CNTN5: variants seen among roughly 807,000 people sequenced by gnomAD.
The protein encoded by CNTN5 is contactin 5.
A neutral mutation model predicts 129.1 loss-of-function variants in CNTN5; 77 were observed. The ratio of observed to expected loss-of-function variants is 0.60; its 90% confidence interval spans 0.50 to 0.72. The LOEUF is 0.72. CNTN5 is among the 30% of genes least tolerant of loss of function. The probability of loss-of-function intolerance (pLI) is 0.00; values close to 1 mark genes in which losing one functional copy is unlikely to be tolerated. For synonymous variants in CNTN5, 509 were observed against 465.6 expected, an observed-to-expected ratio of 1.09 and a Z score of -1.20; for missense variants, 1,478 against 1,328.8, an observed-to-expected ratio of 1.11 and a Z score of -1.75.
intron 21 of CNTN5, among the ~76,000 whole-genome samples, chr11:100,316,015 A>G (rs1274542742): frequency 6.6e-6 from 1 of 152,206 alleles, no homozygotes; most frequent in Non-Finnish European, 1.5e-5. Flanking sequence ...CAAGTAAATT[A>G]TTAGGTTCAG....
intron 3 of CNTN5, among the ~76,000 whole-genome samples, chr11:99,748,094 C>T (rs979278381): frequency 6.6e-6 from 1 of 152,046 alleles, no homozygotes; most frequent in African/African-American, 2.4e-5. Flanking sequence ...TTTTAATGTG[C>T]TGCTGAATTG....
chr11:100,193,423 C>A, intron 14 of CNTN5, 65 bp from the exon 15 acceptor site: 1 of 1,065,810 alleles, frequency 9.4e-7, no homozygotes, highest in Middle Eastern at 2.1e-4. Flanking sequence ...TTATTTCAAG[C>A]AAAATATTAT....
intron 8 of CNTN5, among the ~76,000 whole-genome samples, chr11:99,959,158 G>T (rs1950878231): frequency 6.6e-6 from 1 of 152,084 alleles, no homozygotes; most frequent in South Asian, 2.1e-4. Context: ...CTCTTACCCT[G>T]TGACTGCCTT....
intron 1 of CNTN5, among the ~76,000 whole-genome samples, chr11:99,202,327 C>T (rs917117236): frequency 2.0e-5 from 3 of 152,118 alleles, no homozygotes; most frequent in African/African-American, 7.2e-5. Context: ...GACTTTGAAA[C>T]AATTTATTTT....
chr11:99,684,037 C>A (rs775957652), intron 3 of CNTN5, among the ~76,000 whole-genome samples: 1 of 151,700 alleles, frequency 6.6e-6, no homozygotes, highest in Non-Finnish European at 1.5e-5. Context: ...TAATACATAT[C>A]TTGACCTTAA....
chr11:99,485,788 A>T (rs558609833), intron 2 of CNTN5, among the ~76,000 whole-genome samples: 1 of 152,156 alleles, frequency 6.6e-6, no homozygotes, highest in Non-Finnish European at 1.5e-5. Context: ...GAAATTTCTC[A>T]CAGTATTCTT....
Position 100,356,415 on chromosome 11 carries a change from G to A in CNTN5, c.*195G>A. 1 of 590,454 alleles carries A rather than the reference G, an allele frequency of 1.7e-6. No homozygotes were observed. The allele number at this position is 590,454 out of a possible 1,614,324, so 36.6% of individuals were successfully genotyped here. A position where few individuals can be genotyped will look rare whatever the true frequency, so the allele number is the denominator to read the frequency against. The stretch of plus-strand genomic sequence containing the variant: ...GGTTTCTCTTTGGTTTTTGTAAACG[G>A]AGAGGACAGTTCTTAGTCCAGTAAA... On this transcript the variant is annotated 3_prime_UTR_variant, in exon 25 of 25. Transcript: ENST00000524871.
intron 3 of CNTN5, among the ~76,000 whole-genome samples, chr11:99,728,113 A>G (rs538138046): frequency 9.2e-5 from 14 of 152,178 alleles, no homozygotes; most frequent in Non-Finnish European, 2.1e-4. Context: ...AAAGTGATGG[A>G]TTTTTAAAAA....
At chr11:99,916,788 G>A (rs191505682) in intron 7 of CNTN5, among the ~76,000 whole-genome samples, 17 of 152,172 alleles carry the variant, frequency 1.1e-4, no homozygotes, top group African/African-American at 3.9e-4. Flanking sequence ...CATAATTTGA[G>A]ATGAGTACTC....
intron 13 of CNTN5, among the ~76,000 whole-genome samples, chr11:100,111,867 A>T (rs1435919281): frequency 6.6e-6 from 1 of 152,158 alleles, no homozygotes; most frequent in East Asian, 1.9e-4. Context: ...TGGATATTTC[A>T]TGTAAGTGGA....
At chr11:99,780,791 A>T (rs1239841252) in intron 3 of CNTN5, among the ~76,000 whole-genome samples, 3 of 152,110 alleles carry the variant, frequency 2.0e-5, no homozygotes, top group Non-Finnish European at 4.4e-5. Flanking sequence ...ACATAGAGGA[A>T]CACACTGTGC....
At chr11:99,262,611 T>C (rs938192645) in intron 1 of CNTN5, among the ~76,000 whole-genome samples, 6 of 147,644 alleles carry the variant, frequency 4.1e-5, no homozygotes, top group Non-Finnish European at 7.6e-5. Context: ...TTTTTTTTTT[T>C]CTCTCTCTTT....
At chr11:99,435,263 T>C (rs1460929028) in intron 2 of CNTN5, among the ~76,000 whole-genome samples, 2 of 152,328 alleles carry the variant, frequency 1.3e-5, no homozygotes, top group African/African-American at 4.8e-5. Flanking sequence ...ATCATACTTA[T>C]GCCATCTTAA....
intron 13 of CNTN5, among the ~76,000 whole-genome samples, chr11:100,076,382 T>G (rs992696187): frequency 6.6e-6 from 1 of 152,138 alleles, no homozygotes; most frequent in Non-Finnish European, 1.5e-5. Context: ...CATGGTGAGT[T>G]TAAAAAATTA....
intron 1 of CNTN5, among the ~76,000 whole-genome samples, chr11:99,100,325 C>G (rs756614139): frequency 6.6e-6 from 1 of 151,938 alleles, no homozygotes; most frequent in Admixed American, 6.6e-5. Flanking sequence ...GTAGGGGGAA[C>G]CTAAGGTAAA....
At chr11:99,728,232 G>T (rs1943418036) in intron 3 of CNTN5, among the ~76,000 whole-genome samples, 3 of 152,080 alleles carry the variant, frequency 2.0e-5, no homozygotes, top group Admixed American at 1.3e-4. Context: ...GACAGAGAAG[G>T]CATAGATATT....
Position 99,612,086 on chromosome 11 carries a change from A to C in CNTN5, c.55+55817A>C, listed in dbSNP as rs79310464. Among the ~76,000 whole-genome samples the C allele has an allele frequency of 4.4e-3, 672 of 152,330 alleles. 28 individuals are homozygous for C. In the East Asian group the frequency reaches 0.1, roughly 23 times the overall value. On this transcript the variant is annotated intron_variant, in intron 3 of 24. Transcript: ENST00000524871. ...ACTCAGCAACTGATATGTAGGAGGC[A>C]CTTGCAATAAGAATTTCTGAGTCTT...
chr11:99,621,526 A>G (rs1305513026), intron 3 of CNTN5, among the ~76,000 whole-genome samples: 2 of 121,350 alleles, frequency 1.6e-5, no homozygotes. Context: ...TATCTTTATA[A>G]TACAAAAATA....
At chr11:99,721,746 C>G (rs565679200) in intron 3 of CNTN5, among the ~76,000 whole-genome samples, 23 of 152,246 alleles carry the variant, frequency 1.5e-4, no homozygotes, top group South Asian at 2.1e-4. Flanking sequence ...TGACAAAGGT[C>G]CAATATCCAG....
Sources: gnomAD v4.1 joint callset for allele counts (sites outside exome capture counted in the v4.1 genomes callset) on GRCh38, gnomAD v4.1.1 for gene constraint, MANE v1.5 for transcripts, NCBI Gene and HGNC (gene_info 2026-07-23, HGNC 2026-07-21) for gene names.